DRC8: variants seen among roughly 807,000 people sequenced by gnomAD.
DRC8 encodes the protein dynein regulatory complex subunit 8.
At chr1:245,112,177 C>T in the DRC8 span, among the ~76,000 whole-genome samples, 7 of 152,356 alleles carry the variant, frequency 4.6e-5, no homozygotes, top group Admixed American at 2.0e-4. Flanking sequence ...CGGGTTCAAG[C>T]GATGCTCCTG....
At chr1:245,081,416 C>T in the DRC8 span, among the ~76,000 whole-genome samples, 3 of 152,068 alleles carry the variant, frequency 2.0e-5, no homozygotes, top group Non-Finnish European at 4.4e-5. Context: ...CCACCTCGGC[C>T]TCCCAAAGTT....
the DRC8 span, among the ~76,000 whole-genome samples, chr1:245,054,264 C>T: frequency 2.0e-5 from 3 of 151,996 alleles, no homozygotes; most frequent in Non-Finnish European, 4.4e-5. Flanking sequence ...CTGCAACCTT[C>T]GCCCCCACTT....
At chr1:245,097,856 G>A in the DRC8 span, among the ~76,000 whole-genome samples, 1 of 152,210 alleles carries the variant, frequency 6.6e-6, no homozygotes, top group Non-Finnish European at 1.5e-5. The surrounding 1 kb of genome is among the most constrained non-coding windows in gnomAD (Gnocchi z 5.0). Flanking sequence ...AGCAGGATCA[G>A]CAAGGAGCAC....
At chr1:245,054,918 G>A in the DRC8 span, among the ~76,000 whole-genome samples, 1 of 152,222 alleles carries the variant, frequency 6.6e-6, no homozygotes, top group Non-Finnish European at 1.5e-5. Flanking sequence ...TCTTGGCACA[G>A]CAGGCAACAT....
the DRC8 span, among the ~76,000 whole-genome samples, chr1:244,990,142 C>T: frequency 6.6e-6 from 1 of 152,214 alleles, no homozygotes; most frequent in African/African-American, 2.4e-5. Context: ...CAACAGTAGC[C>T]TGACACTGCA....
At chr1:244,999,700 A>G in the DRC8 span, among the ~76,000 whole-genome samples, 9 of 152,358 alleles carry the variant, frequency 5.9e-5, no homozygotes, top group Admixed American at 5.9e-4. Context: ...TCCATGGGGA[A>G]TACTACACCA....
At chr1:245,124,094 T>C in the DRC8 span, 1 of 179,370 alleles carries the variant, frequency 5.6e-6, no homozygotes, top group Non-Finnish European at 1.2e-5. Context: ...TTCTTTACCA[T>C]CTCTTGGAGA....
chr1:244,993,677 G>A, the DRC8 span, among the ~76,000 whole-genome samples: 1 of 152,162 alleles, frequency 6.6e-6, no homozygotes, highest in Non-Finnish European at 1.5e-5. Flanking sequence ...TCTGGAGGCT[G>A]GAAAGTCCGA....
At chr1:245,088,436 G>A in the DRC8 span, among the ~76,000 whole-genome samples, 1 of 151,996 alleles carries the variant, frequency 6.6e-6, no homozygotes, top group East Asian at 1.9e-4. The surrounding 1 kb of genome is among the most constrained non-coding windows in gnomAD (Gnocchi z 4.6). Flanking sequence ...CCTTCCTCAG[G>A]CATGTAGTCT....
At chr1:245,010,005 C>T in the DRC8 span, among the ~76,000 whole-genome samples, 18 of 152,160 alleles carry the variant, frequency 1.2e-4, no homozygotes, top group African/African-American at 3.6e-4. Flanking sequence ...GGACTACAGG[C>T]GTGCGCCACC....
chr1:245,096,520 G>C, the DRC8 span, among the ~76,000 whole-genome samples: 1 of 152,212 alleles, frequency 6.6e-6, no homozygotes, highest in Non-Finnish European at 1.5e-5. Flanking sequence ...ATGAAACATA[G>C]CCCTTGTCCT....
the DRC8 span, among the ~76,000 whole-genome samples, chr1:245,062,344 T>C: frequency 6.6e-6 from 1 of 152,232 alleles, no homozygotes; most frequent in Non-Finnish European, 1.5e-5. Context: ...AGCAACTTCC[T>C]GCAAATACTT....
At chr1:245,030,725 C>T in the DRC8 span, 4 of 152,520 alleles carry the variant, frequency 2.6e-5, no homozygotes, top group Admixed American at 1.3e-4. Context: ...TCTACCTCCT[C>T]ATGGGTTCAG....
At chr1:244,984,884 A>T in the DRC8 span, among the ~76,000 whole-genome samples, 4 of 151,014 alleles carry the variant, frequency 2.6e-5, no homozygotes, top group Non-Finnish European at 5.9e-5. Flanking sequence ...ATTTCCTGAC[A>T]CATACGTGTT....
the DRC8 span, among the ~76,000 whole-genome samples, chr1:245,014,775 C>G: frequency 6.6e-6 from 1 of 152,060 alleles, no homozygotes; most frequent in Non-Finnish European, 1.5e-5. Context: ...TGCTTAGCCT[C>G]TCTGAGCTTT....
At chr1:245,003,200 T>A in the DRC8 span, among the ~76,000 whole-genome samples, 1 of 152,218 alleles carries the variant, frequency 6.6e-6, no homozygotes, top group Non-Finnish European at 1.5e-5. Flanking sequence ...TGATGGACAT[T>A]TGGGCTGTTT....
At chr1:245,064,165 A>G in the DRC8 span, among the ~76,000 whole-genome samples, 36 of 152,280 alleles carry the variant, frequency 2.4e-4, no homozygotes, top group African/African-American at 6.7e-4. Flanking sequence ...TGCTCTATAT[A>G]TTTTATTTCT....
the DRC8 span, among the ~76,000 whole-genome samples, chr1:245,113,398 G>A: frequency 1.3e-5 from 2 of 152,140 alleles, no homozygotes; most frequent in Non-Finnish European, 2.9e-5. Flanking sequence ...AGACTATATC[G>A]TCACGTTACT....
At chr1:245,075,442 G>A in the DRC8 span, 1 of 152,276 alleles carries the variant, frequency 6.6e-6, no homozygotes, top group East Asian at 1.9e-4. Flanking sequence ...GCTCCATATT[G>A]GGGAAGAGGA....
Sources: gnomAD v4.1 joint callset for allele counts (sites outside exome capture counted in the v4.1 genomes callset) on GRCh38, gnomAD v4.1.1 for gene constraint, Gnocchi (gnomAD v3.1) non-coding constraint, MANE v1.5 for transcripts, NCBI Gene and HGNC (gene_info 2026-07-23, HGNC 2026-07-21) for gene names.